Variants in RBMS3 observed in about 807,000 individuals in gnomAD.
The protein encoded by RBMS3 is RNA binding motif single stranded interacting protein 3, also known as RNA-binding motif, single-stranded-interacting protein 3.
Under a neutral mutation model 66.8 loss-of-function variants are expected in RBMS3, and 27 were observed. That is an observed-to-expected ratio of 0.40 (90% CI 0.30 to 0.56). RBMS3 has a LOEUF of 0.56. RBMS3 is among the 20% of genes least tolerant of loss of function. The pLI is 0.40. For synonymous variants in RBMS3, 188 were observed against 183.0 expected (o/e 1.03, Z -0.22); for missense variants, 513 against 549.5 (o/e 0.93, Z 0.66).
intron 3 of RBMS3, among the ~76,000 whole-genome samples, chr3:29,490,681 G>T (rs1452698307): frequency 6.6e-6 from 1 of 152,162 alleles, no homozygotes; most frequent in Non-Finnish European, 1.5e-5. Context: ...AGAATAATGT[G>T]TAGAAGGGGA....
chr3:29,837,357 A>G (rs1371828487), intron 6 of RBMS3, among the ~76,000 whole-genome samples: 1 of 151,642 alleles, frequency 6.6e-6, no homozygotes, highest in Non-Finnish European at 1.5e-5. Flanking sequence ...GTGTCCTGGG[A>G]TTGATATTTA....
intron 6 of RBMS3, among the ~76,000 whole-genome samples, chr3:29,848,749 A>G (rs193217601): frequency 1.1e-3 from 168 of 152,316 alleles, no homozygotes; most frequent in South Asian, 7.3e-3. Context: ...TGTGAAAGCA[A>G]CCATCCAGGG....
At chr3:29,461,920 A>ATTTTTTTTTTTT (rs61115023) in intron 2 of RBMS3, among the ~76,000 whole-genome samples, 3 of 93,298 alleles carry the variant, frequency 3.2e-5, no homozygotes, top group African/African-American at 8.2e-5. Context: ...TGCCCGGCTA[A>ATTTTTTTTTTTT]TTTTTTTTTT....
chr3:29,665,392 A>T (rs2050711946), intron 4 of RBMS3, among the ~76,000 whole-genome samples: 1 of 152,212 alleles, frequency 6.6e-6, no homozygotes, highest in Non-Finnish European at 1.5e-5. Context: ...TAGTTTACAT[A>T]ACTTAGCTTT....
intron 4 of RBMS3, among the ~76,000 whole-genome samples, chr3:29,701,076 A>C (rs1042018110): frequency 2.0e-5 from 3 of 152,172 alleles, no homozygotes; most frequent in African/African-American, 7.2e-5. Context: ...CAGGAGTTCG[A>C]GACCAGCCTG....
intron 10 of RBMS3, among the ~76,000 whole-genome samples, chr3:29,935,338 TC>T (rs2061238842): frequency 6.6e-6 from 1 of 151,978 alleles, no homozygotes; most frequent in Non-Finnish European, 1.5e-5. Context: ...TGATAATAAA[TC>T]AAAAGACATA....
chr3:29,573,149 C>G (rs1196140263), intron 3 of RBMS3, among the ~76,000 whole-genome samples: 2 of 152,010 alleles, frequency 1.3e-5, no homozygotes, highest in Non-Finnish European at 2.9e-5. Flanking sequence ...GAGATGGAGT[C>G]TTGTTCTGTC....
intron 1 of RBMS3, among the ~76,000 whole-genome samples, chr3:29,402,646 G>A (rs1189355774): frequency 1.3e-5 from 2 of 152,002 alleles, no homozygotes; most frequent in Admixed American, 6.6e-5. Flanking sequence ...AAGTATAACT[G>A]GTCAAAGAGC....
At chr3:29,292,216 C>T (rs534165702) in intron 1 of RBMS3, among the ~76,000 whole-genome samples, 1 of 151,860 alleles carries the variant, frequency 6.6e-6, no homozygotes, top group South Asian at 2.1e-4. Flanking sequence ...CAACAACACA[C>T]ACGCACACAT....
chr3:29,921,271 C>T (rs1454126786), intron 10 of RBMS3, among the ~76,000 whole-genome samples: 1 of 151,824 alleles, frequency 6.6e-6, no homozygotes, highest in Non-Finnish European at 1.5e-5. Context: ...TCCATGTTGA[C>T]CAGGCTGGTC....
chr3:29,364,964 C>T (rs2037814588), intron 1 of RBMS3, among the ~76,000 whole-genome samples: 1 of 152,096 alleles, frequency 6.6e-6, no homozygotes, highest in African/African-American at 2.4e-5. Flanking sequence ...CGTAGTCCTC[C>T]TTTTTCCCAG....
intron 2 of RBMS3, among the ~76,000 whole-genome samples, chr3:29,466,947 A>G (rs903235526): frequency 1.2e-4 from 18 of 152,328 alleles, no homozygotes; most frequent in Middle Eastern, 3.4e-3. Context: ...GTCTTTATGC[A>G]CATAAGACTG....
chr3:29,523,417 T>C (rs1376612639), intron 3 of RBMS3, among the ~76,000 whole-genome samples: 7 of 152,210 alleles, frequency 4.6e-5, no homozygotes, highest in Admixed American at 4.6e-4. Flanking sequence ...TCAAAAATCC[T>C]ACCTCCCAGT....
intron 10 of RBMS3, among the ~76,000 whole-genome samples, chr3:29,930,105 C>CCTTTTT (rs1559811072): frequency 3.7e-5 from 1 of 27,382 alleles, no homozygotes; most frequent in East Asian, 2.1e-3. Context: ...ACTTTTCTTT[C>CCTTTTT]TTTCTTTTTT....
intron 1 of RBMS3, among the ~76,000 whole-genome samples, chr3:29,429,539 TTCAA>T (rs761485926): frequency 1.3e-5 from 2 of 152,166 alleles, no homozygotes; most frequent in African/African-American, 4.8e-5. Flanking sequence ...ATCTCTCTTC[TTCAA>T]TCAGAGTGTC....
intron 14 of RBMS3, among the ~76,000 whole-genome samples, chr3:30,000,523 G>A (rs914463366): frequency 6.6e-5 from 10 of 152,094 alleles, no homozygotes; most frequent in African/African-American, 2.4e-4. Context: ...ATTTGACCCA[G>A]CAATCCCATT....
At chr3:29,756,690 G>A (rs1028835660) in intron 5 of RBMS3, among the ~76,000 whole-genome samples, 1 of 152,034 alleles carries the variant, frequency 6.6e-6, no homozygotes, top group African/African-American at 2.4e-5. Context: ...ATATCACCAA[G>A]CTACCCACAT....
At chr3:29,725,200 T>G (rs1162601642) in intron 4 of RBMS3, among the ~76,000 whole-genome samples, 1 of 152,212 alleles carries the variant, frequency 6.6e-6, no homozygotes, top group Non-Finnish European at 1.5e-5. Flanking sequence ...AAAACTAAGA[T>G]GTATGCATTA....
chr3:29,730,827 TTAAAA>T, intron 4 of RBMS3: 2 of 961,412 alleles, frequency 2.1e-6, no homozygotes, highest in South Asian at 4.8e-5. Context: ...TGGTAATATA[TTAAAA>T]TAAAACTATA....
Sources: allele counts gnomAD v4.1 joint callset (sites outside exome capture counted in the v4.1 genomes callset), GRCh38; gene constraint gnomAD v4.1.1; transcripts MANE v1.5; gene names NCBI Gene and HGNC (gene_info 2026-07-23, HGNC 2026-07-21).